The following STRBP variants were observed in gnomAD, a reference collection of about 807,000 sequenced individuals.
STRBP encodes spermatid perinuclear RNA-binding protein.
STRBP carries 13 observed loss-of-function variants against 80.1 expected under a neutral mutation model. The ratio of observed to expected loss-of-function variants is 0.16; its 90% CI spans 0.11 to 0.26. The LOEUF is 0.26. STRBP is among the 10% of genes least tolerant of loss of function. The pLI is 1.00. For synonymous variants in STRBP, 284 were observed against 291.2 expected, an observed-to-expected ratio of 0.98 and a Z score of 0.25; for missense variants, 485 against 815.2, an observed-to-expected ratio of 0.59 and a Z score of 4.93.
Position 123,173,728 on chromosome 9 carries a change from G to A in STRBP, c.339C>T (p.Pro113=). The change falls in exon 5 of 19, where the codon CCC becomes CCT. Residue 113 remains proline, a synonymous_variant. Transcript: ENST00000348403. ...TGACTGTATTTAACAGGGTCTCTGT[G>A]GGTTTGTCTTTGCACATTAAAACCA... ...LELVLMCKDK[P]TETLLNTVKD... The A allele has an allele frequency of 6.2e-7, 1 of 1,613,668 alleles. No homozygotes were observed. Among genetic ancestry groups the A allele is most frequent in the South Asian group, 1.1e-5 (1 of 91,040 alleles).
intron 1 of STRBP, among the ~76,000 whole-genome samples, chr9:123,249,829 G>C (rs140373432): frequency 1.3e-5 from 2 of 152,144 alleles, no homozygotes; most frequent in African/African-American, 4.8e-5. Context: ...TTTCCAAGTA[G>C]TATGAAGGCA....
chr9:123,138,813 T>A (rs1195769662), intron 14 of STRBP, among the ~76,000 whole-genome samples: 1 of 152,166 alleles, frequency 6.6e-6, no homozygotes, highest in Non-Finnish European at 1.5e-5. Context: ...ACTGAAAAAA[T>A]TAGTTTATTA....
intron 2 of STRBP, among the ~76,000 whole-genome samples, chr9:123,215,024 A>G (rs536814962): frequency 1.3e-5 from 2 of 151,558 alleles, no homozygotes; most frequent in East Asian, 3.9e-4. Context: ...CAAGCATGTA[A>G]CTAAGTCAGT....
intron 4 of STRBP, among the ~76,000 whole-genome samples, chr9:123,177,455 C>T (rs2038270900): frequency 6.6e-6 from 1 of 152,030 alleles, no homozygotes; most frequent in Admixed American, 6.6e-5. Flanking sequence ...CACTTATAGT[C>T]CTAGCTATTC....
intron 3 of STRBP, among the ~76,000 whole-genome samples, chr9:123,180,112 C>T (rs1046321092): frequency 4.6e-5 from 7 of 151,970 alleles, no homozygotes; most frequent in Admixed American, 2.6e-4. Flanking sequence ...AAAAATTAGC[C>T]GGACGTGGTA....
At chr9:123,223,762 T>C (rs2040148231) in intron 2 of STRBP, among the ~76,000 whole-genome samples, 1 of 152,170 alleles carries the variant, frequency 6.6e-6, no homozygotes, top group Non-Finnish European at 1.5e-5. Context: ...CCTCTTCCAC[T>C]AAAAATCTTG....
At chr9:123,207,997 G>GAAGCTA (rs2039580389) in intron 2 of STRBP, among the ~76,000 whole-genome samples, 1 of 152,166 alleles carries the variant, frequency 6.6e-6, no homozygotes, top group South Asian at 2.1e-4. Flanking sequence ...TCTTTAGCAA[G>GAAGCTA]AAGCTACTTT....
intron 4 of STRBP, among the ~76,000 whole-genome samples, chr9:123,176,614 T>C (rs564225939): frequency 1.3e-5 from 2 of 152,326 alleles, no homozygotes; most frequent in South Asian, 2.1e-4. Context: ...AAGTATGTGG[T>C]ACAATAGTTG....
intron 2 of STRBP, among the ~76,000 whole-genome samples, chr9:123,198,801 T>C (rs1304721717): frequency 1.3e-5 from 2 of 152,206 alleles, no homozygotes; most frequent in African/African-American, 2.4e-5. Context: ...ATTCATCTAC[T>C]ACATGTAGCT....
chr9:123,178,058 T>C (rs1168657713), intron 4 of STRBP, among the ~76,000 whole-genome samples: 6 of 152,138 alleles, frequency 3.9e-5, no homozygotes, highest in Admixed American at 2.6e-4. Flanking sequence ...TGCCTGTAAA[T>C]AGTTTAAAAA....
chr9:123,209,579 AC>A (rs1447468728), intron 2 of STRBP, among the ~76,000 whole-genome samples: 2 of 152,224 alleles, frequency 1.3e-5, no homozygotes, highest in Non-Finnish European at 2.9e-5. Context: ...CAACGCAGAA[AC>A]AACATGTAAA....
At chr9:123,251,354 C>G (rs1218262058) in intron 1 of STRBP, among the ~76,000 whole-genome samples, 2 of 152,084 alleles carry the variant, frequency 1.3e-5, no homozygotes. Context: ...CTTCAAGACC[C>G]CTCAAGACCC....
At chr9:123,231,146 T>C (rs2040387627) in intron 2 of STRBP, among the ~76,000 whole-genome samples, 1 of 152,092 alleles carries the variant, frequency 6.6e-6, no homozygotes, top group African/African-American at 2.4e-5. Flanking sequence ...ATCCAGGTTA[T>C]CAGTATTTTT....
chr9:123,190,831 C>T (rs559224333), intron 2 of STRBP, among the ~76,000 whole-genome samples: 2 of 152,202 alleles, frequency 1.3e-5, no homozygotes, highest in East Asian at 3.9e-4. Context: ...CAGAAAAACA[C>T]ATCCCTTTGC....
intron 2 of STRBP, among the ~76,000 whole-genome samples, chr9:123,202,660 A>G (rs2039368181): frequency 6.6e-6 from 1 of 152,192 alleles, no homozygotes; most frequent in Admixed American, 6.5e-5. Flanking sequence ...TCAGTTAACA[A>G]AAATTTACTG....
intron 2 of STRBP, among the ~76,000 whole-genome samples, chr9:123,235,454 T>C (rs2040528558): frequency 1.3e-5 from 2 of 149,328 alleles, no homozygotes; most frequent in African/African-American, 2.5e-5. Context: ...CTATTGTGAT[T>C]GTCAGACAAC....
chr9:123,120,936 T>C (rs562168470), downstream of STRBP, among the ~76,000 whole-genome samples: 2 of 152,346 alleles, frequency 1.3e-5, no homozygotes, highest in South Asian at 2.1e-4. Flanking sequence ...AATATTCTTT[T>C]TGCCACAGTT....
chr9:123,134,617 C>CT (rs1234941964), intron 16 of STRBP, among the ~76,000 whole-genome samples: 1 of 152,150 alleles, frequency 6.6e-6, no homozygotes, highest in Admixed American at 6.5e-5. Flanking sequence ...AGACATCTTT[C>CT]TTTTTTTAAC....
intron 3 of STRBP, 94 bp from the exon 4 acceptor site, chr9:123,179,321 C>T: frequency 9.6e-7 from 1 of 1,037,210 alleles, no homozygotes; most frequent in Non-Finnish European, 1.4e-6. Context: ...ACCCATAGCA[C>T]TGACTGTCTA....
Sources: allele counts gnomAD v4.1 joint callset (sites outside exome capture counted in the v4.1 genomes callset), GRCh38; gene constraint gnomAD v4.1.1; transcripts MANE v1.5; gene names NCBI Gene and HGNC (gene_info 2026-07-23, HGNC 2026-07-21).